Variants in DUSP22 observed in about 807,000 individuals in gnomAD.
The protein encoded by DUSP22 is dual specificity protein phosphatase 22.
In DUSP22, 24 loss-of-function variants were observed where a neutral mutation model predicts 24.5. That is an observed-to-expected ratio of 0.98 (90% CI 0.71 to 1.38). DUSP22 has a LOEUF of 1.38. Ranked by LOEUF, DUSP22 falls within the 40% of genes most tolerant of loss-of-function variation. The pLI, the probability that DUSP22 is intolerant of heterozygous loss-of-function variation, is 0.00. For missense variants in DUSP22, 330 were observed against 269.2 expected, an observed-to-expected ratio of 1.23 and a Z score of -1.58; for synonymous variants, 160 against 106.4, an observed-to-expected ratio of 1.50 and a Z score of -3.10.
At chr6:336,522 A>T (rs922051543) in intron 4 of DUSP22, among the ~76,000 whole-genome samples, 38 of 152,412 alleles carry the variant, frequency 2.5e-4, no homozygotes, top group Non-Finnish European at 5.0e-4. Context: ...ATCACAGGTT[A>T]TGCGATAATT....
chr6:301,873 A>G lies in DUSP22; in HGVS notation c.22-2755A>G, dbSNP rs62390173. On this transcript the variant is annotated intron_variant, in intron 1 of 6. Transcript: ENST00000419235. ...AGGAGTCAGAACATCATGGTTCTAC[A>G]ACATTAGAATGTAGAGACGGTCTAC... Among the ~76,000 whole-genome samples the G allele has an allele frequency of 9.6e-3, 1,464 of 151,936 alleles. 4 individuals are homozygous for G. Among genetic ancestry groups the G allele is most frequent in the Non-Finnish European group, 0.014 (972 of 67,756 alleles).
chr6:307,385 T>C (rs1233559709), intron 2 of DUSP22, among the ~76,000 whole-genome samples: 4 of 152,294 alleles, frequency 2.6e-5, no homozygotes, highest in African/African-American at 7.2e-5. Context: ...CCCTCGCCTG[T>C]CACTCTGCAA....
At chr6:329,401 A>T (rs898850392) in intron 3 of DUSP22, among the ~76,000 whole-genome samples, 4 of 152,310 alleles carry the variant, frequency 2.6e-5, no homozygotes, top group East Asian at 1.9e-4. Flanking sequence ...GCTGCACAAC[A>T]GTGTGAATGT....
intron 3 of DUSP22, among the ~76,000 whole-genome samples, chr6:321,915 C>T (rs1352225137): frequency 1.3e-5 from 2 of 152,296 alleles, no homozygotes; most frequent in East Asian, 1.9e-4. Context: ...GGAAACAGAG[C>T]TGGGTGGAAG....
chr6:330,999 C>T (rs944049109), intron 3 of DUSP22, among the ~76,000 whole-genome samples: 4 of 152,312 alleles, frequency 2.6e-5, no homozygotes, highest in Admixed American at 6.5e-5. Context: ...CTTTTCCTCT[C>T]CTGGTACTCA....
At chr6:330,893 T>C (rs999341255) in intron 3 of DUSP22, among the ~76,000 whole-genome samples, 2 of 152,308 alleles carry the variant, frequency 1.3e-5, no homozygotes, top group Non-Finnish European at 2.9e-5. Context: ...GGTTGTTCTA[T>C]ACTAATTGTT....
rs1760156683 is a variant in DUSP22 at position 350,663 on chromosome 6, GT to G, written c.*1717del. ...AAAACAATTTGCCAATAAAGTACAT[GT>G]TTTTCCTAAGCCAAAAATAAATACG... On this transcript the variant is annotated 3_prime_UTR_variant, in exon 7 of 7. Coordinates refer to ENST00000419235, the MANE Select transcript of DUSP22 (RefSeq NM_001286555.3). The G allele has an allele frequency of 6.6e-7, 1 of 1,523,468 alleles. No individual in the cohort carries two copies. The highest frequency in any genetic ancestry group is 1.4e-5 in the African/African-American group (1 of 72,180). The allele number at this position is 1,523,468 out of a possible 1,614,324, so 94.4% of individuals were successfully genotyped here. A position where few individuals can be genotyped will look rare whatever the true frequency, so the allele number is the denominator to read the frequency against.
At chr6:313,943 G>A (rs997996922) in intron 3 of DUSP22, among the ~76,000 whole-genome samples, 2 of 152,304 alleles carry the variant, frequency 1.3e-5, no homozygotes, top group African/African-American at 4.8e-5. Flanking sequence ...TCTGCCTGGG[G>A]CACAAAGGCA....
At chr6:308,934 A>G (rs1271129533) in intron 2 of DUSP22, among the ~76,000 whole-genome samples, 1 of 152,302 alleles carries the variant, frequency 6.6e-6, no homozygotes, top group Non-Finnish European at 1.5e-5. Flanking sequence ...CCCCGCCTCT[A>G]CTGGGTCCTC....
At chr6:305,383 A>G (rs1415776914) in intron 2 of DUSP22, among the ~76,000 whole-genome samples, 1 of 152,308 alleles carries the variant, frequency 6.6e-6, no homozygotes, top group Non-Finnish European at 1.5e-5. Context: ...CAACAGGCAC[A>G]TTTAGCAATC....
chr6:299,514 T>C (rs564446719), intron 1 of DUSP22, among the ~76,000 whole-genome samples: 4 of 152,422 alleles, frequency 2.6e-5, no homozygotes, highest in Admixed American at 1.3e-4. Flanking sequence ...CTTAATCTTG[T>C]TTGTAATTCT....
At chr6:299,057 G>A (rs1188504345) in intron 1 of DUSP22, among the ~76,000 whole-genome samples, 1 of 152,306 alleles carries the variant, frequency 6.6e-6, no homozygotes, top group African/African-American at 2.4e-5. Context: ...AAGGGAAAGA[G>A]CAGCAGTTTC....
chr6:321,487 G>T (rs1758585501), intron 3 of DUSP22, among the ~76,000 whole-genome samples: 1 of 152,300 alleles, frequency 6.6e-6, no homozygotes. Context: ...ATCCTCGTTA[G>T]AAGTGATGAG....
At chr6:302,400 C>T (rs1019657657) in intron 1 of DUSP22, among the ~76,000 whole-genome samples, 1 of 152,310 alleles carries the variant, frequency 6.6e-6, no homozygotes, top group African/African-American at 2.4e-5. Flanking sequence ...TCTCCCACTC[C>T]CTCCAGTAGA....
intron 4 of DUSP22, among the ~76,000 whole-genome samples, chr6:341,933 G>T (rs1759626400): frequency 6.6e-6 from 1 of 152,298 alleles, no homozygotes; most frequent in Non-Finnish European, 1.5e-5. Flanking sequence ...ATGTGGCAAG[G>T]CTGACTCTTG....
rs1027194293 is a variant in DUSP22 at position 351,352 on chromosome 6, T to C, written c.*2401T>C. 6 of 169,658 alleles carry C rather than the reference T, an allele frequency of 3.5e-5. No homozygotes were observed. The highest frequency in any genetic ancestry group is 1.4e-4 in the African/African-American group (6 of 41,774). The allele number at this position is 169,658 out of a possible 1,614,324, so 10.5% of individuals were successfully genotyped here. A position where few individuals can be genotyped will look rare whatever the true frequency, so the allele number is the denominator to read the frequency against. Reference sequence around the variant, plus strand: ...TTAATAAAGGGCAACTTAGCCAAGTTTAAGGTCGCGTGCGATGCATTCTTC... The same window carrying C: ...TTAATAAAGGGCAACTTAGCCAAGTCTAAGGTCGCGTGCGATGCATTCTTC... On this transcript the variant is annotated 3_prime_UTR_variant, in exon 7 of 7. Transcript: ENST00000419235.
At chr6:335,214 A>G in intron 4 of DUSP22, 51 bp downstream of exon 4, 1 of 1,594,028 alleles carries the variant, frequency 6.3e-7, no homozygotes, top group South Asian at 1.1e-5. Context: ...AAATGAATAG[A>G]GGATGGTAAA....
intron 6 of DUSP22, 111 bp from the exon 7 acceptor site, chr6:348,658 T>C: frequency 2.6e-6 from 4 of 1,526,698 alleles, no homozygotes; most frequent in Non-Finnish European, 3.6e-6. Context: ...GCTGTTTGTT[T>C]CCCTGGTTAT....
At chr6:345,324 C>T (rs1261044777) in intron 4 of DUSP22, among the ~76,000 whole-genome samples, 1 of 152,286 alleles carries the variant, frequency 6.6e-6, no homozygotes, top group Non-Finnish European at 1.5e-5. Flanking sequence ...ATTCTCCTAC[C>T]TCAGCCTCCC....
Sources: gnomAD v4.1 joint callset for allele counts (sites outside exome capture counted in the v4.1 genomes callset) on GRCh38, gnomAD v4.1.1 for gene constraint, MANE v1.5 for transcripts, NCBI Gene and HGNC (gene_info 2026-07-23, HGNC 2026-07-21) for gene names.